EGFR: variants seen among roughly 807,000 people sequenced by gnomAD.
The protein encoded by EGFR is epidermal growth factor receptor.
A neutral mutation model predicts 143.0 loss-of-function variants in EGFR; 58 were observed. The ratio of observed to expected loss-of-function variants is 0.41; its 90% CI spans 0.33 to 0.50. The LOEUF (loss-of-function observed/expected upper bound fraction) is 0.50, where lower values mean the gene tolerates loss of function less well. EGFR is among the 20% of genes least tolerant of loss of function. The pLI is 0.39. For synonymous variants in EGFR, 613 were observed against 594.4 expected (o/e 1.03, Z -0.45); for missense variants, 1,307 against 1,579.0 (o/e 0.83, Z 2.92).
chr7:55,083,398 C>CT (rs1790579114), intron 1 of EGFR, among the ~76,000 whole-genome samples: 1 of 152,210 alleles, frequency 6.6e-6, no homozygotes, highest in South Asian at 2.1e-4. Context: ...GGATTTTCTT[C>CT]TTGACTCACT....
rs1192452976 is a variant in EGFR at position 55,209,924 on chromosome 7, G to A, written c.*4307G>A. 6.6e-6 allele frequency: 1 copy of A among 152,228 alleles called. No homozygotes were observed. The highest frequency in any genetic ancestry group is 1.5e-5 in the Non-Finnish European group (1 of 68,040). The allele number at this position is 152,228 out of a possible 1,614,324, so 9.4% of individuals were successfully genotyped here. Reference sequence around the variant, plus strand: ...AGGGTTAAGTTGAGGCAAGAGGAAAGCCCTTTCTCTCTCTTATAAAAAGGC... The same window carrying A: ...AGGGTTAAGTTGAGGCAAGAGGAAAACCCTTTCTCTCTCTTATAAAAAGGC... On this transcript the variant is annotated 3_prime_UTR_variant, in exon 28 of 28. Transcript: ENST00000275493.
chr7:55,125,185 T>A (rs958365488), intron 1 of EGFR, among the ~76,000 whole-genome samples: 2 of 152,200 alleles, frequency 1.3e-5, no homozygotes, highest in Non-Finnish European at 2.9e-5. Context: ...CCTGGAGGCC[T>A]AATGGGCCCT....
chr7:55,203,465 A>G (rs1787956169), intron 27 of EGFR, among the ~76,000 whole-genome samples: 1 of 73,874 alleles, frequency 1.4e-5, no homozygotes, highest in Non-Finnish European at 3.2e-5. Flanking sequence ...ATGCACACAT[A>G]CACACACACC....
chr7:55,190,131 C>T (rs80033015), intron 20 of EGFR, among the ~76,000 whole-genome samples: 1 of 152,042 alleles, frequency 6.6e-6, no homozygotes, highest in Non-Finnish European at 1.5e-5. Flanking sequence ...TCTGCCCCCC[C>T]TCTCCTCTCC....
intron 27 of EGFR, 72 bp from the exon 28 acceptor site, chr7:55,205,184 T>C (rs2128974938): frequency 6.3e-7 from 1 of 1,587,656 alleles, no homozygotes. Context: ...TTCACAGGGT[T>C]CAGAACCCAG....
intron 13 of EGFR, among the ~76,000 whole-genome samples, chr7:55,161,922 C>T (rs372016978): frequency 5.3e-5 from 8 of 152,160 alleles, no homozygotes; most frequent in African/African-American, 1.9e-4. Context: ...ACAAAAAGTT[C>T]CTAAGACAAA....
intron 12 of EGFR, among the ~76,000 whole-genome samples, chr7:55,160,845 A>C (rs17336779): frequency 4.6e-5 from 7 of 152,208 alleles, no homozygotes; most frequent in Non-Finnish European, 1.0e-4. Context: ...GCCTCTGTCA[A>C]TTCCCTTAAT....
At chr7:55,181,707 A>T (rs935894962) in intron 20 of EGFR, 10 of 603,582 alleles carry the variant, frequency 1.7e-5, no homozygotes, top group Non-Finnish European at 2.6e-5. Context: ...CCTTTGAAGA[A>T]TTTTCTCTTT....
chr7:55,020,847 G>A (rs946416930), intron 1 of EGFR, among the ~76,000 whole-genome samples: 1 of 151,522 alleles, frequency 6.6e-6, no homozygotes, highest in Non-Finnish European at 1.5e-5. Context: ...TAGAACAGTG[G>A]TTCCCAGACC....
rs577603091 is a variant in EGFR at position 55,055,837 on chromosome 7, T to G, written c.88+36472T>G. On this transcript the variant is annotated intron_variant, in intron 1 of 27. Transcript: ENST00000275493. Reference sequence around the variant, plus strand: ...CTTTGTGCACCTCTGCTTTCTCTTCTCAAGATGTTCACCTGCTTGAGGTCA... The same window carrying G: ...CTTTGTGCACCTCTGCTTTCTCTTCGCAAGATGTTCACCTGCTTGAGGTCA... 3.9e-5 allele frequency among the ~76,000 whole-genome samples: 6 copies of G among 152,172 alleles called. No individual in the cohort carries two copies. In the South Asian group the frequency reaches 1.2e-3, roughly 32 times the overall value.
intron 3 of EGFR, among the ~76,000 whole-genome samples, chr7:55,144,581 A>G (rs1794653657): frequency 6.6e-6 from 1 of 152,216 alleles, no homozygotes; most frequent in East Asian, 1.9e-4. Flanking sequence ...CCAAGCCAGC[A>G]CCTCTGGTCA....
intron 1 of EGFR, among the ~76,000 whole-genome samples, chr7:55,024,576 C>T (rs1028894918): frequency 3.3e-5 from 5 of 152,216 alleles, no homozygotes; most frequent in African/African-American, 1.2e-4. Flanking sequence ...CCATTACTAG[C>T]GCGGCAGCAC....
intron 14 of EGFR, among the ~76,000 whole-genome samples, chr7:55,164,480 A>T (rs1785867674): frequency 6.6e-6 from 1 of 152,178 alleles, no homozygotes; most frequent in South Asian, 2.1e-4. Context: ...GTTTTGAGGG[A>T]TAGGCTGCCA....
At chr7:55,132,609 T>C (rs1019478905) in intron 1 of EGFR, among the ~76,000 whole-genome samples, 3 of 152,220 alleles carry the variant, frequency 2.0e-5, no homozygotes, top group Non-Finnish European at 4.4e-5. Flanking sequence ...ATGTTTTCAT[T>C]TGCTTGGTAA....
At chr7:55,048,648 G>C (rs1268624465) in intron 1 of EGFR, among the ~76,000 whole-genome samples, 1 of 152,188 alleles carries the variant, frequency 6.6e-6, no homozygotes, top group Non-Finnish European at 1.5e-5. Context: ...CCAAGTGTCA[G>C]ATTACTCAAC....
In EGFR at chr7:55,134,084, A is replaced by G. The variant is rs561149331; in HGVS notation, c.89-8202A>G. On this transcript the variant is annotated intron_variant, in intron 1 of 27. Coordinates refer to ENST00000275493, the MANE Select transcript of EGFR (RefSeq NM_005228.5). ...TCTCACACAGAGGGATTTTGAATCG[A>G]AGCCAGCATCCTGTCCTTTCTCCAA... Among the ~76,000 whole-genome samples the G allele has an allele frequency of 2.5e-3, 377 of 152,286 alleles. 2 individuals carry two copies. The highest frequency in any genetic ancestry group is 3.1e-3 in the Non-Finnish European group (213 of 68,012).
intron 15 of EGFR, chr7:55,170,820 C>G (rs532436033): frequency 7.4e-4 from 1,056 of 1,419,406 alleles, no homozygotes; most frequent in Non-Finnish European, 8.9e-4. Context: ...GTCCATGCTT[C>G]TAGCCTTGGT....
intron 1 of EGFR, among the ~76,000 whole-genome samples, chr7:55,055,989 T>C (rs1788793272): frequency 6.6e-6 from 1 of 152,110 alleles, no homozygotes; most frequent in Non-Finnish European, 1.5e-5. Flanking sequence ...GGCGGGTCCA[T>C]CTGGTTTCTT....
chr7:55,064,850 G>A (rs1242843329), intron 1 of EGFR, among the ~76,000 whole-genome samples: 1 of 152,164 alleles, frequency 6.6e-6, no homozygotes, highest in African/African-American at 2.4e-5. Flanking sequence ...CAAACCTACT[G>A]GCTCCATCAT....
Sources: gnomAD v4.1 joint callset for allele counts (sites outside exome capture counted in the v4.1 genomes callset) on GRCh38, gnomAD v4.1.1 for gene constraint, MANE v1.5 for transcripts, NCBI Gene and HGNC (gene_info 2026-07-23, HGNC 2026-07-21) for gene names.